KCNN2: variants seen among roughly 807,000 people sequenced by gnomAD.
The protein encoded by KCNN2 is potassium calcium-activated channel subfamily N member 2, also known as small conductance calcium-activated potassium channel protein 2.
A neutral mutation model predicts 55.5 loss-of-function variants in KCNN2; 24 were observed. That is an observed-to-expected ratio of 0.43 (90% CI 0.31 to 0.61). The LOEUF is 0.61. Among genes scored for constraint, KCNN2 ranks in the 20% least tolerant of loss-of-function variants. The pLI is 0.08. For missense variants in KCNN2, 754 were observed against 853.6 expected, an observed-to-expected ratio of 0.88 and a Z score of 1.45; for synonymous variants, 431 against 336.1, an observed-to-expected ratio of 1.28 and a Z score of -3.09.
intron 2 of KCNN2, among the ~76,000 whole-genome samples, chr5:114,292,876 G>T (rs1216721525): frequency 1.3e-5 from 2 of 152,164 alleles, no homozygotes; most frequent in African/African-American, 2.4e-5. Flanking sequence ...TTGAGCAGTG[G>T]TTTGTAGTTC....
intron 2 of KCNN2, 98 bp from the exon 3 acceptor site, chr5:114,404,340 T>C (rs1758872610): frequency 1.1e-6 from 1 of 933,266 alleles, no homozygotes; most frequent in Non-Finnish European, 1.6e-6. Flanking sequence ...CTTGCCATGA[T>C]TGCTAAAAGT....
At chr5:114,261,213 A>G (rs936846495) in intron 2 of KCNN2, among the ~76,000 whole-genome samples, 1 of 152,192 alleles carries the variant, frequency 6.6e-6, no homozygotes, top group African/African-American at 2.4e-5. Context: ...GTAATTTTTC[A>G]CTGGTGAAAT....
chr5:114,275,371 C>T (rs1755463100), intron 2 of KCNN2, among the ~76,000 whole-genome samples: 1 of 152,144 alleles, frequency 6.6e-6, no homozygotes, highest in Admixed American at 6.6e-5. Context: ...GGAGGATTCC[C>T]TCTTTTTCTA....
At chr5:114,177,483 T>G (rs1475169236) in intron 1 of KCNN2, among the ~76,000 whole-genome samples, 3 of 151,940 alleles carry the variant, frequency 2.0e-5, no homozygotes. Flanking sequence ...TAAATTTATA[T>G]GTATTCTATA....
chr5:114,373,193 G>A (rs1449789727), intron 2 of KCNN2, among the ~76,000 whole-genome samples: 1 of 152,064 alleles, frequency 6.6e-6, no homozygotes, highest in Non-Finnish European at 1.5e-5. Flanking sequence ...TGAGTACTGT[G>A]CTGTGTAAAT....
intron 2 of KCNN2, among the ~76,000 whole-genome samples, chr5:114,377,635 T>A (rs554575736): frequency 1.3e-5 from 2 of 152,166 alleles, no homozygotes; most frequent in Admixed American, 6.5e-5. Flanking sequence ...AGACAGACAT[T>A]TGTGCCTCTG....
intron 2 of KCNN2, among the ~76,000 whole-genome samples, chr5:114,291,437 G>C (rs1755885069): frequency 6.6e-6 from 1 of 151,494 alleles, no homozygotes; most frequent in Non-Finnish European, 1.5e-5. Flanking sequence ...AGAACAGGCA[G>C]TGTTCGGTTT....
At chr5:114,165,197 G>A (rs1752882939) in intron 1 of KCNN2, among the ~76,000 whole-genome samples, 2 of 152,072 alleles carry the variant, frequency 1.3e-5, no homozygotes, top group African/African-American at 4.8e-5. Context: ...GTTATGCCAA[G>A]TGTGCCTGTG....
At chr5:114,491,615 TTAGAAGAGAAC>T (rs374379983) in intron 6 of KCNN2, among the ~76,000 whole-genome samples, 7 of 151,284 alleles carry the variant, frequency 4.6e-5, no homozygotes, top group Non-Finnish European at 7.4e-5. Flanking sequence ...TAATGAAGAA[TTAGAAGAGAAC>T]TAAAAGGATT....
chr5:114,360,152 C>T (rs1580745836), upstream of KCNN2, among the ~76,000 whole-genome samples: 1 of 152,260 alleles, frequency 6.6e-6, no homozygotes, highest in East Asian at 1.9e-4. Flanking sequence ...TAGCTCAAGT[C>T]CAGGGCTACG....
At chr5:114,422,772 G>A (rs1759507031) in intron 3 of KCNN2, among the ~76,000 whole-genome samples, 1 of 152,186 alleles carries the variant, frequency 6.6e-6, no homozygotes, top group African/African-American at 2.4e-5. Context: ...TTGAGCAAAT[G>A]TGGGCAGACC....
chr5:114,484,160 T>C (rs1262860005), intron 5 of KCNN2, among the ~76,000 whole-genome samples: 1 of 152,162 alleles, frequency 6.6e-6, no homozygotes, highest in Non-Finnish European at 1.5e-5. Flanking sequence ...GTACGAGCTG[T>C]GCCTAAAGCA....
chr5:114,363,520 T>G (rs1183917387), intron 1 of KCNN2, among the ~76,000 whole-genome samples: 2 of 152,242 alleles, frequency 1.3e-5, no homozygotes, highest in African/African-American at 2.4e-5. Context: ...TAAGTGGTTC[T>G]GGAAGTCGGT....
intron 1 of KCNN2, among the ~76,000 whole-genome samples, chr5:114,067,591 AATT>A (rs1750478266): frequency 6.6e-6 from 1 of 152,184 alleles, no homozygotes; most frequent in Non-Finnish European, 1.5e-5. Context: ...AGAATTATAA[AATT>A]ATAACTTTGT....
chr5:114,488,504 G>T (rs1253242927), intron 6 of KCNN2, among the ~76,000 whole-genome samples: 1 of 152,190 alleles, frequency 6.6e-6, no homozygotes, highest in South Asian at 2.1e-4. Flanking sequence ...TGGCTCACAA[G>T]AGGGAACTTG....
At chr5:114,061,167 T>G (rs990869637) in intron 1 of KCNN2, among the ~76,000 whole-genome samples, 2 of 152,174 alleles carry the variant, frequency 1.3e-5, no homozygotes, top group African/African-American at 4.8e-5. Flanking sequence ...TAAGACACAG[T>G]CTCTGCTTTC....
chr5:114,385,519 GCA>G (rs10548694), intron 2 of KCNN2, among the ~76,000 whole-genome samples: 53,687 of 143,012 alleles, frequency 0.38, 10,492 homozygotes, highest in East Asian at 0.69. Flanking sequence ...ACACATGCGC[GCA>G]CACACACACA....
intron 1 of KCNN2, among the ~76,000 whole-genome samples, chr5:114,176,992 C>G (rs190186870): frequency 3.5e-4 from 53 of 152,208 alleles, no homozygotes; most frequent in Non-Finnish European, 6.8e-4. Context: ...CCATAACTCT[C>G]TTCTCATGTC....
intron 2 of KCNN2, among the ~76,000 whole-genome samples, chr5:114,350,106 T>G (rs964539364): frequency 2.0e-5 from 3 of 151,620 alleles, no homozygotes; most frequent in African/African-American, 4.9e-5. Flanking sequence ...TCTTTTAAAT[T>G]TTTTTAAATT....
Sources: allele counts gnomAD v4.1 joint callset (sites outside exome capture counted in the v4.1 genomes callset), GRCh38; gene constraint gnomAD v4.1.1; transcripts MANE v1.5; gene names NCBI Gene and HGNC (gene_info 2026-07-23, HGNC 2026-07-21).